Variants in ZNF718 observed in about 807,000 individuals in gnomAD.
ZNF718 encodes zinc finger protein 718.
In ZNF718, 3 loss-of-function variants were observed where a neutral mutation model predicts 2.6. The ratio of observed to expected loss-of-function variants is 1.16; its 90% CI spans 0.53 to 3.01. The LOEUF is 3.01. Among genes scored for constraint, ZNF718 ranks in the 30% most tolerant of loss-of-function variants. The pLI is 0.03. For synonymous variants in ZNF718, 135 were observed against 77.9 expected (o/e 1.73, Z -3.86); for missense variants, 468 against 230.0 (o/e 2.03, Z -6.69).
At chr4:164,720 C>T (rs543665750), downstream of ZNF718, among the ~76,000 whole-genome samples, 4 of 152,200 alleles carry the variant, frequency 2.6e-5, no homozygotes, top group African/African-American at 7.2e-5. Context: ...CATATATAAG[C>T]TGTTTAGTTA....
intron 3 of ZNF718, among the ~76,000 whole-genome samples, chr4:141,397 A>G (rs1715805829): frequency 6.6e-6 from 1 of 152,240 alleles, no homozygotes; most frequent in African/African-American, 2.4e-5. Context: ...AGTTTTGATT[A>G]AAGTAAAATA....
downstream of ZNF718, among the ~76,000 whole-genome samples, chr4:166,968 G>T (rs1028661809): frequency 3.9e-4 from 59 of 152,186 alleles, no homozygotes; most frequent in African/African-American, 1.4e-3. Context: ...TTTCTTCTAG[G>T]GTTTTTATGG....
chr4:141,929 T>G, intron 3 of ZNF718: 1 of 453,898 alleles, frequency 2.2e-6, no homozygotes, highest in Non-Finnish European at 4.4e-6. Context: ...TTTTCTGTTG[T>G]ATAAAAGCTT....
At chr4:177,477 G>A (rs1260862018) in intron 3 of ZNF718, among the ~76,000 whole-genome samples, 1 of 152,072 alleles carries the variant, frequency 6.6e-6, no homozygotes, top group Non-Finnish European at 1.5e-5. Flanking sequence ...TTCTCCTGGG[G>A]TGCCACCTGG....
chr4:170,342 T>C (rs1329075455), intron 3 of ZNF718, among the ~76,000 whole-genome samples: 11 of 152,134 alleles, frequency 7.2e-5, no homozygotes, highest in African/African-American at 2.7e-4. Flanking sequence ...TTGCTCCTCT[T>C]GAGGAGTATC....
downstream of ZNF718, among the ~76,000 whole-genome samples, chr4:166,694 G>A (rs1365361442): frequency 2.0e-5 from 3 of 152,058 alleles, no homozygotes; most frequent in Non-Finnish European, 4.4e-5. Flanking sequence ...TTTTGATGGG[G>A]CTGTTTGTTT....
At chr4:139,668 A>G (rs1417430790) in intron 3 of ZNF718, among the ~76,000 whole-genome samples, 4 of 152,226 alleles carry the variant, frequency 2.6e-5, no homozygotes, top group African/African-American at 9.6e-5. Context: ...TCTTTGTTAA[A>G]GACGTCAAGG....
At chr4:136,623 G>A (rs908646269) in intron 3 of ZNF718, among the ~76,000 whole-genome samples, 1 of 152,190 alleles carries the variant, frequency 6.6e-6, no homozygotes, top group South Asian at 2.1e-4. Flanking sequence ...CCTAGCCAAA[G>A]GCAAGCACCT....
chr4:152,070 TAAAC>T (rs1716348946), intron 3 of ZNF718, among the ~76,000 whole-genome samples: 2 of 146,096 alleles, frequency 1.4e-5, no homozygotes, highest in South Asian at 2.3e-4. Context: ...TGCATACACA[TAAAC>T]ATCTCAATGC....
intron 3 of ZNF718, among the ~76,000 whole-genome samples, chr4:149,349 C>T (rs1317263200): frequency 1.3e-5 from 2 of 152,232 alleles, no homozygotes; most frequent in South Asian, 2.1e-4. Context: ...TCAATAAGAA[C>T]ATAGTCACAG....
chr4:152,569 G>A (rs1383938084), intron 3 of ZNF718, among the ~76,000 whole-genome samples: 5 of 151,416 alleles, frequency 3.3e-5, no homozygotes, highest in Non-Finnish European at 7.4e-5. Context: ...CAGAGAGCAC[G>A]GGGTTGGGGG....
chr4:139,538 A>C (rs1715719010), intron 3 of ZNF718, among the ~76,000 whole-genome samples: 1 of 152,236 alleles, frequency 6.6e-6, no homozygotes, highest in South Asian at 2.1e-4. Flanking sequence ...TTAAACTCCC[A>C]AAAATTCTGT....
chr4:152,511 T>C (rs1255362716), intron 3 of ZNF718, among the ~76,000 whole-genome samples: 1 of 150,074 alleles, frequency 6.7e-6, no homozygotes, highest in Non-Finnish European at 1.5e-5. Context: ...AAGCACATCT[T>C]GCACCGCCCT....
chr4:196,350 A>T (rs1717792812), intron 3 of ZNF718, among the ~76,000 whole-genome samples: 1 of 152,192 alleles, frequency 6.6e-6, no homozygotes, highest in Non-Finnish European at 1.5e-5. Flanking sequence ...ATTGGGAGGG[A>T]CACCAGAGAC....
At chr4:182,406 A>T (rs1189240688) in intron 3 of ZNF718, among the ~76,000 whole-genome samples, 1 of 5,760 alleles carries the variant, frequency 1.7e-4, no homozygotes, top group Non-Finnish European at 1.3e-3. Flanking sequence ...TTTGATTTAT[A>T]TTTATTTATT....
At chr4:192,575 C>T (rs1453872976) in intron 3 of ZNF718, among the ~76,000 whole-genome samples, 2 of 152,130 alleles carry the variant, frequency 1.3e-5, no homozygotes, top group Non-Finnish European at 2.9e-5. Flanking sequence ...AACCCAAGTG[C>T]TGTTGGTGAG....
intron 3 of ZNF718, among the ~76,000 whole-genome samples, chr4:192,427 T>C (rs1417877478): frequency 6.6e-6 from 1 of 152,182 alleles, no homozygotes; most frequent in Admixed American, 6.5e-5. Context: ...TACTACCTGA[T>C]TGGTGGGGTG....
At chr4:192,988 G>C (rs1717721896) in intron 3 of ZNF718, among the ~76,000 whole-genome samples, 1 of 152,126 alleles carries the variant, frequency 6.6e-6, no homozygotes, top group Non-Finnish European at 1.5e-5. Context: ...GAAAGGTTTG[G>C]TGAAGAATTT....
chr4:199,675 G>T (rs1176265661), intron 3 of ZNF718, among the ~76,000 whole-genome samples: 1 of 152,238 alleles, frequency 6.6e-6, no homozygotes, highest in East Asian at 1.9e-4. Context: ...TTCACTTGGA[G>T]TGTTGATGGG....
Sources: gnomAD v4.1 joint callset for allele counts (sites outside exome capture counted in the v4.1 genomes callset) on GRCh38, gnomAD v4.1.1 for gene constraint, MANE v1.5 for transcripts, NCBI Gene and HGNC (gene_info 2026-07-23, HGNC 2026-07-21) for gene names.